KCNQ5: variants seen among roughly 807,000 people sequenced by gnomAD.
KCNQ5 encodes potassium voltage-gated channel subfamily KQT member 5.
A neutral mutation model predicts 98.2 loss-of-function variants in KCNQ5; 30 were observed. The observed-to-expected ratio is 0.31, with a 90% CI of 0.23 to 0.41. The LOEUF (loss-of-function observed/expected upper bound fraction) is 0.41, where lower values mean the gene tolerates loss of function less well. Ranked by LOEUF, KCNQ5 falls within the 10% of genes least tolerant of loss-of-function variation. The pLI is 1.00. For synonymous variants in KCNQ5, 458 were observed against 449.4 expected (o/e 1.02, Z -0.24); for missense variants, 835 against 1,182.5 (o/e 0.71, Z 4.31).
intron 1 of KCNQ5, among the ~76,000 whole-genome samples, chr6:72,662,443 G>T (rs1457008691): frequency 2.0e-5 from 3 of 152,000 alleles, no homozygotes; most frequent in Admixed American, 2.0e-4. Context: ...ACTTTTGTCT[G>T]GAATGTTTTT....
At chr6:73,115,339 G>A (rs1019334311) in intron 7 of KCNQ5, among the ~76,000 whole-genome samples, 1 of 152,134 alleles carries the variant, frequency 6.6e-6, no homozygotes, top group South Asian at 2.1e-4. Context: ...AGATGTCTCA[G>A]CTCAAGTGCA....
rs111342128 is a variant in KCNQ5, at chr6:73,057,737, GA to G, written c.616+15684del. On this transcript the variant is annotated intron_variant, in intron 3 of 13. Transcript: ENST00000370398. ...AAACTACCAGTTCTTCACAGAATTA[GA>G]AAAAAAAATTATTTAAAAATTTGTA... is the stretch of plus-strand genomic sequence containing the variant. Among the ~76,000 whole-genome samples, 694 of 151,092 alleles carry G rather than the reference GA, an allele frequency of 4.6e-3. 5 individuals carry two copies. The highest frequency in any genetic ancestry group is 0.016 in the African/African-American group (650 of 41,194).
intron 5 of KCNQ5, among the ~76,000 whole-genome samples, chr6:73,084,226 G>A (rs1167509486): frequency 1.3e-5 from 2 of 152,158 alleles, no homozygotes; most frequent in Non-Finnish European, 2.9e-5. Context: ...GGGATGTGAT[G>A]GAAGTATCTT....
chr6:72,994,650 G>C (rs887253742), intron 1 of KCNQ5, among the ~76,000 whole-genome samples: 2 of 151,880 alleles, frequency 1.3e-5, no homozygotes, highest in Admixed American at 1.3e-4. Context: ...GCTGTAGACC[G>C]GAGCTGTTCC....
At chr6:72,985,214 C>CA (rs1211675425) in intron 1 of KCNQ5, among the ~76,000 whole-genome samples, 4 of 151,194 alleles carry the variant, frequency 2.6e-5, no homozygotes, top group East Asian at 3.9e-4. Context: ...ACACATGCAC[C>CA]AAAAAAAAGA....
chr6:72,674,840 A>G (rs1436640837), intron 1 of KCNQ5, among the ~76,000 whole-genome samples: 9 of 152,168 alleles, frequency 5.9e-5, no homozygotes, highest in South Asian at 2.1e-4. Context: ...ATTATCTTTG[A>G]TCATCTAACT....
chr6:73,141,927 C>T (rs536181858), intron 10 of KCNQ5, among the ~76,000 whole-genome samples: 1 of 152,296 alleles, frequency 6.6e-6, no homozygotes, highest in African/African-American at 2.4e-5. Context: ...TATCCAGAAG[C>T]AGTTTAGCTG....
intron 1 of KCNQ5, among the ~76,000 whole-genome samples, chr6:72,935,474 A>C (rs575653366): frequency 6.6e-6 from 1 of 152,254 alleles, no homozygotes; most frequent in African/African-American, 2.4e-5. Context: ...TATGTCTCAA[A>C]TGGGTCCTCA....
chr6:72,924,432 C>G (rs940688260), intron 1 of KCNQ5, among the ~76,000 whole-genome samples: 1 of 152,184 alleles, frequency 6.6e-6, no homozygotes. Flanking sequence ...GTCGTCACCT[C>G]ACACTGAAGA....
intron 1 of KCNQ5, among the ~76,000 whole-genome samples, chr6:72,788,995 AC>A (rs1214626859): frequency 1.3e-5 from 2 of 152,122 alleles, no homozygotes; most frequent in African/African-American, 2.4e-5. Flanking sequence ...GATACTTTTA[AC>A]CTTTAAATAC....
At chr6:72,833,421 ATATTG>A (rs1640769349) in intron 1 of KCNQ5, among the ~76,000 whole-genome samples, 1 of 152,196 alleles carries the variant, frequency 6.6e-6, no homozygotes, top group South Asian at 2.1e-4. Flanking sequence ...ATATTTTATC[ATATTG>A]TATACTTTGA....
intron 1 of KCNQ5, among the ~76,000 whole-genome samples, chr6:72,687,043 TCTTAA>T (rs1354480945): frequency 6.6e-6 from 1 of 152,190 alleles, no homozygotes; most frequent in Non-Finnish European, 1.5e-5. Context: ...TTAGGACAGT[TCTTAA>T]CTTATCAGTT....
At chr6:72,858,345 C>T (rs1423756598) in intron 1 of KCNQ5, among the ~76,000 whole-genome samples, 1 of 152,016 alleles carries the variant, frequency 6.6e-6, no homozygotes, top group Non-Finnish European at 1.5e-5. Flanking sequence ...TGCATTTGCA[C>T]GCTGAGATCA....
chr6:73,190,745 T>C lies in KCNQ5; in HGVS notation c.1709+41T>C, dbSNP rs376275168. 5.7e-6 allele frequency: 8 copies of C among 1,415,928 alleles called. No homozygotes were observed. The African/African-American group carries it at 5.8e-5, about 10-fold the overall frequency. 87.7% of individuals were successfully genotyped at this position (1,415,928 alleles called of 1,614,324 possible). ...GTCATTCCTTGTAAAGGAATGGGCA[T>C]AGAACCTATCTAGGAAGAACTTCTC... On this transcript the variant is annotated intron_variant, in intron 12 of 13. Transcript: ENST00000370398.
intron 1 of KCNQ5, among the ~76,000 whole-genome samples, chr6:72,708,807 C>T: frequency 6.6e-6 from 1 of 150,936 alleles, no homozygotes; most frequent in Non-Finnish European, 1.5e-5. Context: ...TGAGCCACTG[C>T]ACCCAGCCCA....
intron 1 of KCNQ5, among the ~76,000 whole-genome samples, chr6:72,962,256 CATAT>C (rs573029479): frequency 3.5e-5 from 5 of 142,934 alleles, no homozygotes; most frequent in Non-Finnish European, 7.6e-5. Flanking sequence ...TATATACACA[CATAT>C]ATATATACAT....
chr6:72,938,858 T>C (rs943521399), intron 1 of KCNQ5, among the ~76,000 whole-genome samples: 6 of 152,182 alleles, frequency 3.9e-5, no homozygotes, highest in Admixed American at 6.5e-5. Flanking sequence ...GATGTTGTTG[T>C]TGTTGGCCTA....
At chr6:72,927,680 A>G (rs756206595) in intron 1 of KCNQ5, among the ~76,000 whole-genome samples, 1 of 151,756 alleles carries the variant, frequency 6.6e-6, no homozygotes. Context: ...GCTCAACCAT[A>G]CTCTGTATTT....
chr6:72,921,479 G>A (rs561168500), intron 1 of KCNQ5, among the ~76,000 whole-genome samples: 20 of 152,310 alleles, frequency 1.3e-4, no homozygotes, highest in Admixed American at 8.5e-4. Flanking sequence ...CAAAGAGCAA[G>A]ATAGTGGTGT....
Sources: gnomAD v4.1 joint callset for allele counts (sites outside exome capture counted in the v4.1 genomes callset) on GRCh38, gnomAD v4.1.1 for gene constraint, MANE v1.5 for transcripts, NCBI Gene and HGNC (gene_info 2026-07-23, HGNC 2026-07-21) for gene names.